IQSEC1: variants seen among roughly 807,000 people sequenced by gnomAD.
The protein encoded by IQSEC1 is IQ motif and SEC7 domain-containing protein 1.
A neutral mutation model predicts 91.0 loss-of-function variants in IQSEC1; 31 were observed. The observed-to-expected ratio is 0.34, with a 90% CI of 0.26 to 0.46. The LOEUF (loss-of-function observed/expected upper bound fraction) is 0.46. Among genes scored for constraint, IQSEC1 ranks in the 20% least tolerant of loss-of-function variants. IQSEC1 has a pLI of 1.00. For missense variants in IQSEC1, 1,388 were observed against 1,575.6 expected (o/e 0.88, Z 2.02); for synonymous variants, 699 against 662.6 (o/e 1.05, Z -0.84).
chr3:13,070,754 G>C (rs1340525470), intron 1 of IQSEC1, among the ~76,000 whole-genome samples: 1 of 152,350 alleles, frequency 6.6e-6, no homozygotes, highest in Non-Finnish European at 1.5e-5. Flanking sequence ...GAGCCTGAGA[G>C]CTGGAGAAGA....
At chr3:12,951,793 G>A (rs556317000) in intron 1 of IQSEC1, among the ~76,000 whole-genome samples, 1 of 152,150 alleles carries the variant, frequency 6.6e-6, no homozygotes, top group Non-Finnish European at 1.5e-5. Context: ...GAGGAGGAGG[G>A]GTGAGGTCGC....
chr3:13,144,638 C>T (rs1403800738), intron 2 of IQSEC1, among the ~76,000 whole-genome samples: 1 of 152,222 alleles, frequency 6.6e-6, no homozygotes, highest in African/African-American at 2.4e-5. Context: ...GCAGAAAGCC[C>T]ACCGCGTCCC....
chr3:13,243,419 G>T (rs1285334275), intron 1 of IQSEC1, among the ~76,000 whole-genome samples: 1 of 152,158 alleles, frequency 6.6e-6, no homozygotes, highest in East Asian at 1.9e-4. Context: ...AGCTGCCTTT[G>T]CCAGAGCCAG....
intron 1 of IQSEC1, among the ~76,000 whole-genome samples, chr3:12,943,823 G>C (rs879474495): frequency 2.0e-5 from 3 of 152,254 alleles, no homozygotes; most frequent in Non-Finnish European, 4.4e-5. Flanking sequence ...CCAGGTGGTA[G>C]GGAGTGACGG....
At chr3:13,025,496 G>A (rs1197103384) in intron 1 of IQSEC1, among the ~76,000 whole-genome samples, 2 of 152,198 alleles carry the variant, frequency 1.3e-5, no homozygotes, top group African/African-American at 4.8e-5. Flanking sequence ...CCCTGCTTGG[G>A]GAAATGAGGA....
chr3:13,154,288 G>T (rs995233796), intron 2 of IQSEC1, among the ~76,000 whole-genome samples: 2 of 150,564 alleles, frequency 1.3e-5, no homozygotes, highest in Non-Finnish European at 3.0e-5. Context: ...ACCCCAAGCT[G>T]CCAGACACGC....
chr3:13,245,915 CG>C (rs1259682792), intron 1 of IQSEC1, among the ~76,000 whole-genome samples: 1 of 152,088 alleles, frequency 6.6e-6, no homozygotes, highest in African/African-American at 2.4e-5. Context: ...GGCACACTGC[CG>C]GGGAACCCAA....
chr3:13,257,248 A>T (rs1429413051), intron 1 of IQSEC1, among the ~76,000 whole-genome samples: 9 of 152,170 alleles, frequency 5.9e-5, no homozygotes, highest in Non-Finnish European at 1.0e-4. Flanking sequence ...TCTCACGGGC[A>T]TGATTTCACA....
chr3:13,053,407 C>T (rs1704764662), intron 1 of IQSEC1, among the ~76,000 whole-genome samples: 1 of 152,258 alleles, frequency 6.6e-6, no homozygotes, highest in African/African-American at 2.4e-5. Context: ...TATTCCAGAA[C>T]ACCCTGTGCT....
chr3:13,261,112 C>T (rs1259458469), intron 1 of IQSEC1, among the ~76,000 whole-genome samples: 1 of 152,216 alleles, frequency 6.6e-6, no homozygotes, highest in Non-Finnish European at 1.5e-5. Flanking sequence ...GAAAGATCAG[C>T]CTGACCAGCT....
At chr3:13,124,009 AGCG>A (rs1706469750) in intron 2 of IQSEC1, among the ~76,000 whole-genome samples, 1 of 152,238 alleles carries the variant, frequency 6.6e-6, no homozygotes, top group Non-Finnish European at 1.5e-5. Flanking sequence ...TGAGAACAAC[AGCG>A]GCCAAGGGAT....
chr3:12,917,528 A>G (rs1318539360), intron 6 of IQSEC1, among the ~76,000 whole-genome samples: 4 of 152,206 alleles, frequency 2.6e-5, no homozygotes, highest in African/African-American at 9.7e-5. Flanking sequence ...TCTTTCACTC[A>G]GTGCTACACA....
chr3:13,228,953 G>C (rs1236981936), intron 1 of IQSEC1, among the ~76,000 whole-genome samples: 1 of 152,112 alleles, frequency 6.6e-6, no homozygotes, highest in East Asian at 1.9e-4. Flanking sequence ...ATCTCTCATT[G>C]GTCTGAGAAC....
chr3:13,245,841 T>C (rs549311086), intron 1 of IQSEC1, among the ~76,000 whole-genome samples: 1 of 150,836 alleles, frequency 6.6e-6, no homozygotes, highest in East Asian at 2.0e-4. Context: ...CCCACCACAC[T>C]CCATGGCCTT....
chr3:13,092,377 C>T (rs1038063008), intron 2 of IQSEC1, among the ~76,000 whole-genome samples: 1 of 152,132 alleles, frequency 6.6e-6, no homozygotes, highest in Non-Finnish European at 1.5e-5. Flanking sequence ...AAAGAGATAC[C>T]TGCAAAACAC....
chr3:12,937,057 C>T (rs185989322), intron 2 of IQSEC1, among the ~76,000 whole-genome samples: 5 of 152,152 alleles, frequency 3.3e-5, no homozygotes, highest in Non-Finnish European at 5.9e-5. Flanking sequence ...CTCAACCTCC[C>T]GAGTAGCTGG....
At chr3:13,030,887 C>T (rs967495179) in intron 1 of IQSEC1, among the ~76,000 whole-genome samples, 1 of 152,254 alleles carries the variant, frequency 6.6e-6, no homozygotes, top group Non-Finnish European at 1.5e-5. Flanking sequence ...TTCACCTTCA[C>T]CAAGCAGCTA....
At chr3:13,014,667 C>G (rs538593335) in intron 1 of IQSEC1, among the ~76,000 whole-genome samples, 14 of 152,200 alleles carry the variant, frequency 9.2e-5, no homozygotes, top group African/African-American at 3.1e-4. Flanking sequence ...GAGGCTGGGT[C>G]GGTAAAAGCT....
chr3:12,931,400 T>C (rs1334348947), intron 3 of IQSEC1, among the ~76,000 whole-genome samples: 1 of 152,240 alleles, frequency 6.6e-6, no homozygotes, highest in Non-Finnish European at 1.5e-5. Context: ...GTGTGTGGCC[T>C]TGAGCTTGGG....
Sources: allele counts gnomAD v4.1 joint callset (sites outside exome capture counted in the v4.1 genomes callset), GRCh38; gene constraint gnomAD v4.1.1; transcripts MANE v1.5; gene names NCBI Gene and HGNC (gene_info 2026-07-23, HGNC 2026-07-21).